The following TMED3 variants were observed in gnomAD, a reference collection of about 807,000 sequenced individuals.
TMED3 encodes transmembrane p24 trafficking protein 3.
Under a neutral mutation model 15.0 loss-of-function variants are expected in TMED3, and 9 were observed. That is an observed-to-expected ratio of 0.60 (90% CI 0.36 to 1.04). The LOEUF is 1.04. TMED3 is among the 50% of genes least tolerant of loss of function. TMED3 has a pLI of 0.01. For synonymous variants in TMED3, 117 were observed against 121.4 expected (o/e 0.96, Z 0.24); for missense variants, 267 against 278.9 (o/e 0.96, Z 0.30).
At chr15:79,383,182 C>T (rs888381823) in intron 2 of TMED3, 15 of 673,928 alleles carry the variant, frequency 2.2e-5, no homozygotes, top group African/African-American at 3.6e-5. Flanking sequence ...TTATTGCTTA[C>T]GTGGTAATCA....
chr15:79,390,698 C>T (rs753381402), intron 2 of TMED3, among the ~76,000 whole-genome samples: 67 of 152,044 alleles, frequency 4.4e-4, no homozygotes, highest in African/African-American at 1.3e-3. Flanking sequence ...TAGAATTCTG[C>T]GGTGAATCCA....
intron 2 of TMED3, among the ~76,000 whole-genome samples, chr15:79,360,880 C>G (rs905597766): frequency 2.1e-4 from 32 of 152,224 alleles, no homozygotes; most frequent in Admixed American, 1.8e-3. Flanking sequence ...GACAGAGTCT[C>G]ACGGTGTCAC....
At chr15:79,412,123 C>A (rs1893992942) in exon 3 of TMED3, 1 of 151,016 alleles carries the variant, frequency 6.6e-6, no homozygotes, top group Non-Finnish European at 1.5e-5. Context: ...CTACCCAAAG[C>A]AGAAAGCTCC....
chr15:79,401,144 G>A (rs964687046), intron 2 of TMED3, among the ~76,000 whole-genome samples: 5 of 152,074 alleles, frequency 3.3e-5, no homozygotes, highest in African/African-American at 1.2e-4. Flanking sequence ...GATTTTCAGT[G>A]CCTAGAATAT....
intron 2 of TMED3, among the ~76,000 whole-genome samples, chr15:79,394,882 C>G (rs80097720): frequency 0.023 from 3,436 of 152,240 alleles, 141 homozygotes; most frequent in African/African-American, 0.079. Flanking sequence ...CTCTTCTTCC[C>G]CAAAGGTAAG....
chr15:79,385,183 G>A (rs1269872499), intron 2 of TMED3, among the ~76,000 whole-genome samples: 1 of 152,140 alleles, frequency 6.6e-6, no homozygotes, highest in Non-Finnish European at 1.5e-5. Context: ...CAGGCCCTGG[G>A]GCTGACACAC....
intron 2 of TMED3, among the ~76,000 whole-genome samples, chr15:79,354,275 G>C (rs1158322037): frequency 6.6e-6 from 1 of 152,034 alleles, no homozygotes; most frequent in Non-Finnish European, 1.5e-5. Flanking sequence ...GAGTATGGAG[G>C]GCAGAGGAGG....
intron 2 of TMED3, among the ~76,000 whole-genome samples, chr15:79,375,222 A>C (rs1331199934): frequency 2.6e-5 from 4 of 152,114 alleles, no homozygotes; most frequent in Non-Finnish European, 5.9e-5. Context: ...AGGAAGGAGG[A>C]GAGGGTCTGG....
intron 2 of TMED3, among the ~76,000 whole-genome samples, chr15:79,392,588 T>G (rs1263321271): frequency 6.6e-6 from 1 of 152,204 alleles, no homozygotes; most frequent in Non-Finnish European, 1.5e-5. Context: ...GGCTTCTACT[T>G]TTTGAATACA....
At chr15:79,338,122 ATGTGTTCATGT>A in intron 2 of TMED3, among the ~76,000 whole-genome samples, 1 of 152,250 alleles carries the variant, frequency 6.6e-6, no homozygotes, top group Admixed American at 6.5e-5. Flanking sequence ...GGAAAAATAA[ATGTGTTCATGT>A]ATAATATATA....
intron 2 of TMED3, among the ~76,000 whole-genome samples, chr15:79,394,856 C>G (rs1893742991): frequency 6.6e-6 from 1 of 152,126 alleles, no homozygotes; most frequent in Admixed American, 6.5e-5. Context: ...GTAATAGTAC[C>G]TAACACTAGT....
At chr15:79,323,327 C>T (rs147567675), downstream of TMED3, among the ~76,000 whole-genome samples, 8 of 152,242 alleles carry the variant, frequency 5.3e-5, no homozygotes, top group Admixed American at 3.3e-4. Flanking sequence ...AATCCTGCAC[C>T]GTCTGACAGG....
intron 2 of TMED3, among the ~76,000 whole-genome samples, chr15:79,376,387 G>T (rs1478438576): frequency 6.6e-6 from 1 of 152,156 alleles, no homozygotes; most frequent in Non-Finnish European, 1.5e-5. Context: ...TGTATTTTAG[G>T]AGAGTTATGC....
At chr15:79,330,268 T>C (rs1469804082) in intron 2 of TMED3, among the ~76,000 whole-genome samples, 1 of 152,210 alleles carries the variant, frequency 6.6e-6, no homozygotes, top group Admixed American at 6.5e-5. Context: ...GTAAATGACA[T>C]GGTCTTATTC....
At chr15:79,407,241 C>T (rs567076221) in intron 2 of TMED3, among the ~76,000 whole-genome samples, 9 of 152,208 alleles carry the variant, frequency 5.9e-5, no homozygotes, top group Non-Finnish European at 1.2e-4. Flanking sequence ...ACAACTGGCT[C>T]TACCTGAGTT....
intron 2 of TMED3, among the ~76,000 whole-genome samples, chr15:79,315,708 A>T (rs770637744): frequency 3.3e-5 from 5 of 152,222 alleles, no homozygotes; most frequent in Non-Finnish European, 7.3e-5. Context: ...GCTCCTGCTT[A>T]GCCTCAAAAG....
At chr15:79,393,188 G>T (rs902659812) in intron 2 of TMED3, among the ~76,000 whole-genome samples, 1 of 152,096 alleles carries the variant, frequency 6.6e-6, no homozygotes, top group African/African-American at 2.4e-5. Flanking sequence ...TGGAGGGTAA[G>T]GTCAAAAACA....
chr15:79,382,392 A>G (rs145199323), intron 2 of TMED3, among the ~76,000 whole-genome samples: 1 of 152,302 alleles, frequency 6.6e-6, no homozygotes, highest in Non-Finnish European at 1.5e-5. Context: ...GAAAAACAAA[A>G]TAGTTGTGAC....
intron 2 of TMED3, among the ~76,000 whole-genome samples, chr15:79,347,048 A>T (rs2058873879): frequency 6.6e-6 from 1 of 152,196 alleles, no homozygotes; most frequent in Non-Finnish European, 1.5e-5. Flanking sequence ...CATCATCCTG[A>T]TACCAAAACA....
Sources: allele counts gnomAD v4.1 joint callset (sites outside exome capture counted in the v4.1 genomes callset), GRCh38; gene constraint gnomAD v4.1.1; transcripts MANE v1.5; gene names NCBI Gene and HGNC (gene_info 2026-07-23, HGNC 2026-07-21).